The following EXTL2 variants were observed in gnomAD, a reference collection of about 807,000 sequenced individuals.
EXTL2 encodes exostosin like glycosyltransferase 2.
Under a neutral mutation model 30.7 loss-of-function variants are expected in EXTL2, and 23 were observed. That is an observed-to-expected ratio of 0.75 (90% confidence interval 0.54 to 1.06). The LOEUF is 1.06. Among genes scored for constraint, EXTL2 ranks in the 50% least tolerant of loss-of-function variants. EXTL2 has a pLI of 0.00. For missense variants in EXTL2, 352 were observed against 396.3 expected, an observed-to-expected ratio of 0.89 and a Z score of 0.95; for synonymous variants, 123 against 133.8, an observed-to-expected ratio of 0.92 and a Z score of 0.56.
rs551810326 is a variant in EXTL2 at position 100,873,382 on chromosome 1, A to G, written c.*560T>C. 6.6e-6 allele frequency: 1 copy of G among 152,522 alleles called. No individual in the cohort carries two copies. Among genetic ancestry groups the G allele is most frequent in the East Asian group, 1.9e-4 (1 of 5,170 alleles). 9.4% of individuals were successfully genotyped at this position (152,522 alleles called of 1,614,324 possible). ...CAAAAATAAAAGCATGGATGGTTAC[A>G]TCAAAACCATGCTGGACTGAGTTCG... On this transcript the variant is annotated 3_prime_UTR_variant, in exon 5 of 5. Transcript: ENST00000370114.
chr1:100,882,815 C>T (rs768048218), intron 2 of EXTL2, among the ~76,000 whole-genome samples: 2 of 151,400 alleles, frequency 1.3e-5, no homozygotes, highest in East Asian at 3.9e-4. Context: ...CAGAGTGAGA[C>T]TCTCATCTCA....
intron 1 of EXTL2, among the ~76,000 whole-genome samples, chr1:100,890,624 C>A (rs576981581): frequency 6.6e-6 from 1 of 152,306 alleles, no homozygotes; most frequent in East Asian, 1.9e-4. Flanking sequence ...ATCTCTAGGG[C>A]AGGAGCAAAA....
At chr1:100,878,688 TTC>T (rs2100926871) in intron 2 of EXTL2, among the ~76,000 whole-genome samples, 1 of 152,186 alleles carries the variant, frequency 6.6e-6, no homozygotes, top group Non-Finnish European at 1.5e-5. Context: ...CATTGGAGAG[TTC>T]TTGGATCTAA....
chr1:100,878,525 A>T (rs909014154), intron 2 of EXTL2: 7 of 464,018 alleles, frequency 1.5e-5, no homozygotes, highest in Non-Finnish European at 3.1e-5. Flanking sequence ...GAAACAGATA[A>T]CACAATAAAC....
chr1:100,873,970 G>A lies in EXTL2; in HGVS notation c.965C>T (p.Pro322Leu), dbSNP rs1487982004. ...SNIMISQFGF[P>L]YANYKRKI ...TATTTTTCTTTTGTAGTTGGCATAT[G>A]GAAAACCAAACTGGGAAATCATAAT... The change falls in exon 5 of 5, where the codon CCA (proline) becomes CTA (leucine). Residue 322 changes from proline to leucine, a missense_variant. Physicochemically the swap from Pro to Leu is moderately conservative, Grantham distance 98. Coordinates refer to ENST00000370114, the MANE Select transcript of EXTL2 (RefSeq NM_001033025.3). 1.3e-6 allele frequency: 2 copies of A among 1,580,168 alleles called. No homozygotes were observed. The highest frequency in any genetic ancestry group is 8.6e-7 in the Non-Finnish European group (1 of 1,167,540).
Position 100,876,799 on chromosome 1 carries a change from A to C in EXTL2, c.499T>G (p.Trp167Gly). 6.2e-7 allele frequency: 1 copy of C among 1,611,320 alleles called. No homozygotes were observed. Among genetic ancestry groups the C allele is most frequent in the African/African-American group, 1.3e-5 (1 of 74,906 alleles). ...AAAAGAGACAGCAACATTACCTGCC[A>C]AACTGAGAAAGCAAAAACAAGGTCT... The part of the protein sequence containing the change: ...TPDLVFAFSV[W>G]QQFPDQIVGF... Residue 167 changes from tryptophan (W) to glycine (G), a missense_variant, in exon 4 of 5, where the codon TGG (tryptophan) becomes GGG (glycine). Physicochemically the swap from Trp to Gly is radical, Grantham distance 184. Coordinates refer to ENST00000370114, the MANE Select transcript of EXTL2 (RefSeq NM_001033025.3).
intron 2 of EXTL2, among the ~76,000 whole-genome samples, chr1:100,887,671 C>A (rs1369932774): frequency 6.6e-6 from 1 of 152,098 alleles, no homozygotes; most frequent in African/African-American, 2.4e-5. Context: ...AAATCAAACT[C>A]TCGACTCTCT....
At chr1:100,892,987 A>G (rs1222546322) in intron 1 of EXTL2, among the ~76,000 whole-genome samples, 1 of 152,178 alleles carries the variant, frequency 6.6e-6, no homozygotes, top group Non-Finnish European at 1.5e-5. Context: ...ACCATGACTG[A>G]AATGAGCTTC....
chr1:100,874,225 A>T lies in EXTL2; in HGVS notation c.710T>A (p.Ile237Lys). Reference sequence around the variant, plus strand: ...ATCATCACAGTTTTGAGTATCATCTATCAAAGCATGGACAGCTGCAGGTTG... The same window carrying T: ...ATCATCACAGTTTTGAGTATCATCTTTCAAAGCATGGACAGCTGCAGGTTG... The part of the protein sequence containing the change: ...QRQPAAVHAL[I>K]DDTQNCDDIA... The change falls in exon 5 of 5, where the codon ATA becomes AAA. Residue 237 changes from isoleucine (I) to lysine (K), a missense_variant. Ile to Lys is a moderately radical substitution (Grantham distance 102). Coordinates refer to ENST00000370114, the MANE Select transcript of EXTL2 (RefSeq NM_001033025.3). The T allele has an allele frequency of 6.2e-7, 1 of 1,612,912 alleles. No homozygotes were observed. The highest frequency in any genetic ancestry group is 8.5e-7 in the Non-Finnish European group (1 of 1,179,422).
chr1:100,883,264 G>C (rs991050790), intron 2 of EXTL2, among the ~76,000 whole-genome samples: 1 of 152,188 alleles, frequency 6.6e-6, no homozygotes, highest in East Asian at 1.9e-4. Flanking sequence ...AAAGTATACA[G>C]TTCAGTAGCT....
intron 1 of EXTL2, among the ~76,000 whole-genome samples, chr1:100,892,452 C>T (rs1379998068): frequency 2.6e-5 from 4 of 152,120 alleles, no homozygotes; most frequent in South Asian, 2.1e-4. Context: ...AGACTGAAGG[C>T]GGCAGTGTCG....
In EXTL2 at chr1:100,877,204, T is replaced by C. The variant is rs1278158176; in HGVS notation, c.433+272A>G. ...GGAAAAGAGGAGTGGCAAAAAAATA[T>C]ATTAAGCATAAGCTAAATGGCATCT... On this transcript the variant is annotated intron_variant, in intron 3 of 4. Transcript: ENST00000370114. The surrounding 1 kb of genome is among the most constrained non-coding windows in gnomAD (Gnocchi z 4.1). 6.6e-6 allele frequency among the ~76,000 whole-genome samples: 1 copy of C among 152,106 alleles called. No homozygotes were observed. Among genetic ancestry groups the C allele is most frequent in the Non-Finnish European group, 1.5e-5 (1 of 68,006 alleles).
Position 100,877,642 on chromosome 1 carries a change from T to C in EXTL2, c.267A>G (p.Val89=). The C allele has an allele frequency of 6.2e-7, 1 of 1,613,672 alleles. No individual in the cohort carries two copies. Among genetic ancestry groups the C allele is most frequent in the Non-Finnish European group, 8.5e-7 (1 of 1,179,716 alleles). ...CCACAATCACTTTGTGCAGATTTGG[T>C]ACAGCCTGATAATGATTTAAAAGTT... ...LLKLLNHYQA[V]PNLHKVIVVW... is the part of the protein sequence containing the mutation. The change falls in exon 3 of 5, where the codon GTA becomes GTG. Residue 89 remains valine (V), a synonymous_variant. Transcript: ENST00000370114. The surrounding 1 kb of genome is among the most constrained non-coding windows in gnomAD (Gnocchi z 4.1).
At chr1:100,882,039 C>T (rs527616349) in intron 2 of EXTL2, among the ~76,000 whole-genome samples, 4 of 152,294 alleles carry the variant, frequency 2.6e-5, no homozygotes, top group South Asian at 2.1e-4. Flanking sequence ...GCTGCATGCT[C>T]CTTATGAGAA....
intron 2 of EXTL2, among the ~76,000 whole-genome samples, chr1:100,883,245 T>C (rs1649707920): frequency 6.6e-6 from 1 of 152,204 alleles, no homozygotes; most frequent in Admixed American, 6.5e-5. Flanking sequence ...CAATAAAATT[T>C]ACCCATTTAA....
chr1:100,874,901 A>G (rs1387820083), intron 4 of EXTL2, among the ~76,000 whole-genome samples: 2 of 152,114 alleles, frequency 1.3e-5, no homozygotes, highest in African/African-American at 4.8e-5. Context: ...GATGTTCATA[A>G]AAATTACTGT....
chr1:100,894,077 T>G (rs1051249038), intron 1 of EXTL2, among the ~76,000 whole-genome samples: 1 of 152,164 alleles, frequency 6.6e-6, no homozygotes, highest in Non-Finnish European at 1.5e-5. Flanking sequence ...TACAAAAAAG[T>G]TCAAAATGCA....
At chr1:100,885,148 C>T (rs1183125913) in intron 2 of EXTL2, among the ~76,000 whole-genome samples, 5 of 152,262 alleles carry the variant, frequency 3.3e-5, no homozygotes, top group African/African-American at 1.2e-4. Flanking sequence ...ACAGACCACA[C>T]AGGCCCCCTT....
At chr1:100,891,839 T>TTA (rs1235956845) in intron 1 of EXTL2, among the ~76,000 whole-genome samples, 25 of 152,198 alleles carry the variant, frequency 1.6e-4, no homozygotes, top group Admixed American at 1.6e-3. Context: ...CAACAACAGT[T>TTA]TAGCTTTTGG....
Sources: gnomAD v4.1 joint callset for allele counts (sites outside exome capture counted in the v4.1 genomes callset) on GRCh38, gnomAD v4.1.1 for gene constraint, Gnocchi (gnomAD v3.1) non-coding constraint, MANE v1.5 for transcripts, NCBI Gene and HGNC (gene_info 2026-07-23, HGNC 2026-07-21) for gene names.